USP40: variants seen among roughly 807,000 people sequenced by gnomAD.
USP40 encodes ubiquitin carboxyl-terminal hydrolase 40.
A neutral mutation model predicts 166.2 loss-of-function variants in USP40; 143 were observed. That is an observed-to-expected ratio of 0.86 (90% CI 0.75 to 0.99). USP40 has a LOEUF of 0.99. USP40 is among the 50% of genes least tolerant of loss of function. The probability of loss-of-function intolerance (pLI) is 0.00; values close to 1 mark genes in which losing one functional copy is unlikely to be tolerated. For missense variants in USP40, 1,444 were observed against 1,479.7 expected (o/e 0.98, Z 0.40); for synonymous variants, 498 against 524.0 (o/e 0.95, Z 0.68).
At chr2:233,541,870 G>C (rs1269846232) in intron 9 of USP40, among the ~76,000 whole-genome samples, 5 of 152,090 alleles carry the variant, frequency 3.3e-5, no homozygotes, top group African/African-American at 1.2e-4. Flanking sequence ...ATTTAGTAAA[G>C]CTCAATTTGG....
intron 23 of USP40, 76 bp downstream of exon 23, chr2:233,498,472 G>C (rs1389935562): frequency 7.6e-7 from 1 of 1,307,756 alleles, no homozygotes; most frequent in Non-Finnish European, 1.1e-6. Context: ...TTTCTCATGA[G>C]TGGAATGGGT....
rs779173983 is a variant in USP40 at position 233,554,475 on chromosome 2, C to G, written c.598G>C (p.Asp200His). 2 of 1,612,798 alleles carry G rather than the reference C, an allele frequency of 1.2e-6. No homozygotes were observed. The highest frequency in any genetic ancestry group is 2.7e-5 in the African/African-American group (2 of 74,826). ...TCTACATACATGTTCCAGAGAGCATCTTCCAAACCGGATACATTTTTGACT... is the reference window on the plus strand; with the variant it reads ...TCTACATACATGTTCCAGAGAGCATGTTCCAAACCGGATACATTTTTGACT... ...VAVKNVSGLE[D>H]ALWNMYVEEE... The change falls in exon 6 of 32, where the codon GAT becomes CAT. Residue 200 changes from aspartate to histidine, a missense_variant. Physicochemically the swap from Asp to His is moderately conservative, Grantham distance 81. Transcript: ENST00000678225.
At chr2:233,540,840 GACCAACAGGATTAT>G in intron 9 of USP40, 71 bp from the exon 10 acceptor site, 1 of 1,079,544 alleles carries the variant, frequency 9.3e-7, no homozygotes. Flanking sequence ...AATTCAAAGA[GACCAACAGGATTAT>G]ACCTAATTAA....
chr2:233,547,039 C>T (rs2070012435), intron 8 of USP40: 1 of 152,074 alleles, frequency 6.6e-6, no homozygotes, highest in African/African-American at 2.4e-5. Flanking sequence ...ACAGCTTTCC[C>T]AAGCCAGAAT....
chr2:233,551,149 A>C (rs2070515829), intron 7 of USP40, among the ~76,000 whole-genome samples: 1 of 152,178 alleles, frequency 6.6e-6, no homozygotes, highest in Non-Finnish European at 1.5e-5. Context: ...CACAACTGAG[A>C]GAGGGGGAGT....
At chr2:233,520,130 T>C (rs570153299) in intron 17 of USP40, among the ~76,000 whole-genome samples, 7 of 152,302 alleles carry the variant, frequency 4.6e-5, no homozygotes, top group African/African-American at 1.4e-4. Context: ...TCTGTTTAAA[T>C]GACTTTATTT....
chr2:233,539,363 G>A (rs530331945), intron 10 of USP40, among the ~76,000 whole-genome samples: 119 of 152,160 alleles, frequency 7.8e-4, no homozygotes, highest in African/African-American at 2.6e-3. Flanking sequence ...ACTCTGAACC[G>A]TAAAACAAGT....
intron 11 of USP40, among the ~76,000 whole-genome samples, chr2:233,531,296 C>A (rs749740759): frequency 3.9e-5 from 6 of 152,194 alleles, no homozygotes; most frequent in Non-Finnish European, 7.3e-5. Context: ...ACTGATACAG[C>A]AAATTCTCCC....
At chr2:233,494,064 T>C (rs1333596646) in intron 24 of USP40, among the ~76,000 whole-genome samples, 1 of 152,210 alleles carries the variant, frequency 6.6e-6, no homozygotes, top group Admixed American at 6.5e-5. Context: ...TTTTAACAGG[T>C]TTATTAAGAG....
intron 7 of USP40, among the ~76,000 whole-genome samples, chr2:233,551,129 T>C (rs1380104255): frequency 6.6e-6 from 1 of 152,194 alleles, no homozygotes; most frequent in Non-Finnish European, 1.5e-5. Flanking sequence ...CTGAAGACAG[T>C]TTTGGTTGTC....
At chr2:233,516,776 GAA>G (rs2067228721) in intron 18 of USP40, among the ~76,000 whole-genome samples, 1 of 151,008 alleles carries the variant, frequency 6.6e-6, no homozygotes, top group African/African-American at 2.4e-5. Context: ...AGAATCGCTT[GAA>G]CCCAGGAGAC....
chr2:233,488,244 G>A lies in USP40; in HGVS notation c.3192C>T (p.Asn1064=), dbSNP rs1447027288. The part of the protein sequence containing the change: ...ICLEPLQKGE[N]LGPQDVLLRT... ...TGCACAGGAGAATTTCTTACCCCAA[G>A]TTTTCGCCTTTCTGAAGGGGCTCTA... The change falls in exon 28 of 32, where the codon AAC becomes AAT. Residue 1064 remains asparagine (N), a synonymous_variant. Transcript: ENST00000678225. The A allele has an allele frequency of 6.2e-7, 1 of 1,603,218 alleles. No homozygotes were observed. Among genetic ancestry groups the A allele is most frequent in the Non-Finnish European group, 8.5e-7 (1 of 1,174,348 alleles).
At chr2:233,518,994 T>C (rs1328479652) in intron 18 of USP40, among the ~76,000 whole-genome samples, 1 of 152,206 alleles carries the variant, frequency 6.6e-6, no homozygotes, top group East Asian at 1.9e-4. Flanking sequence ...TGATATGCTA[T>C]GTGAAAGAAG....
At chr2:233,530,976 A>G (rs186540292) in intron 11 of USP40, among the ~76,000 whole-genome samples, 33 of 152,228 alleles carry the variant, frequency 2.2e-4, no homozygotes, top group Non-Finnish European at 2.9e-5. Flanking sequence ...AAATATTTAT[A>G]TTTTACACAT....
At position 233,493,160 on chromosome 2, in the gene USP40, C is replaced by T. The variant is rs919102092; in HGVS notation, c.2917+265G>A. ...GCCCTGAGGATCTTGAGAGATGATA[C>T]ATAAAAGTCTTTGGAAAGTGTAATA... is the stretch of plus-strand genomic sequence containing the variant. On this transcript the variant is annotated intron_variant, in intron 25 of 31. Transcript: ENST00000678225. This position sits in a 1 kb window ranked among gnomAD's most constrained non-coding sequence, Gnocchi z 4.7. 1 of 509,802 alleles carries T rather than the reference C, an allele frequency of 2.0e-6. No homozygotes were observed. Among genetic ancestry groups the T allele is most frequent in the Non-Finnish European group, 3.4e-6 (1 of 290,812 alleles). The allele number at this position is 509,802 out of a possible 1,614,324, so 31.6% of individuals were successfully genotyped here. A position where few individuals can be genotyped will look rare whatever the true frequency, so the allele number is the denominator to read the frequency against.
In USP40 at chr2:233,480,866, A is replaced by G. The variant is rs1235250411; in HGVS notation, c.3599+337T>C. On this transcript the variant is annotated intron_variant, in intron 31 of 31. Transcript: ENST00000678225. The surrounding 1 kb of genome is among the most constrained non-coding windows in gnomAD (Gnocchi z 4.5). ...AAGACGGGGTGGTTCTGGAGACCTG[A>G]GGGTGTGGGAACCTGAAGGGAAAGC... Among the ~76,000 whole-genome samples, 1 of 151,896 alleles carries G rather than the reference A, an allele frequency of 6.6e-6. No homozygotes were observed. The highest frequency in any genetic ancestry group is 1.5e-5 in the Non-Finnish European group (1 of 67,966).
chr2:233,550,988 A>C (rs1032040541), intron 7 of USP40, among the ~76,000 whole-genome samples: 4 of 152,254 alleles, frequency 2.6e-5, no homozygotes, highest in Non-Finnish European at 5.9e-5. Flanking sequence ...ATTTTAAAGA[A>C]GGGTTTAATA....
chr2:233,525,391 G>A, intron 14 of USP40, 87 bp downstream of exon 14: 1 of 895,286 alleles, frequency 1.1e-6, no homozygotes, highest in Admixed American at 2.0e-5. Context: ...GGTGGGGAAG[G>A]ACTGACAAAG....
intron 30 of USP40, among the ~76,000 whole-genome samples, chr2:233,483,400 A>G (rs2064752139): frequency 1.3e-5 from 2 of 152,194 alleles, no homozygotes; most frequent in African/African-American, 2.4e-5. Context: ...CTAACGTGGG[A>G]GGATCGCTTG....
Sources: allele counts gnomAD v4.1 joint callset (sites outside exome capture counted in the v4.1 genomes callset), GRCh38; gene constraint gnomAD v4.1.1; non-coding constraint Gnocchi (gnomAD v3.1); transcripts MANE v1.5; gene names NCBI Gene and HGNC (gene_info 2026-07-23, HGNC 2026-07-21).